Variants in CD46 observed in about 807,000 individuals in gnomAD.
The protein encoded by CD46 is CD46 molecule, also known as membrane cofactor protein.
CD46 carries 30 observed loss-of-function variants against 53.3 expected under a neutral mutation model. The observed-to-expected ratio is 0.56, with a 90% CI of 0.42 to 0.76. The LOEUF (loss-of-function observed/expected upper bound fraction) is 0.76. Ranked by LOEUF, CD46 falls within the 30% of genes least tolerant of loss-of-function variation. The pLI is 0.00. For missense variants in CD46, 409 were observed against 463.0 expected, an observed-to-expected ratio of 0.88 and a Z score of 1.07; for synonymous variants, 142 against 152.0, an observed-to-expected ratio of 0.93 and a Z score of 0.48.
intron 11 of CD46, among the ~76,000 whole-genome samples, chr1:207,786,249 T>C (rs1011835546): frequency 6.6e-6 from 1 of 152,206 alleles, no homozygotes; most frequent in African/African-American, 2.4e-5. Flanking sequence ...CCCTCTTATG[T>C]TCTCTGAATT....
At chr1:207,759,313 G>A (rs1020133313) in intron 3 of CD46, among the ~76,000 whole-genome samples, 1 of 152,214 alleles carries the variant, frequency 6.6e-6, no homozygotes, top group Non-Finnish European at 1.5e-5. Flanking sequence ...CACAGTCCTT[G>A]TCCTTACTGT....
At chr1:207,785,564 A>G (rs1659190203) in intron 10 of CD46, 55 bp from the exon 11 acceptor site, 1 of 1,210,468 alleles carries the variant, frequency 8.3e-7, no homozygotes. Flanking sequence ...TAGATGTTGA[A>G]TCTTGGTGAT....
intron 8 of CD46, among the ~76,000 whole-genome samples, chr1:207,772,549 C>T (rs1657630894): frequency 6.6e-6 from 1 of 152,094 alleles, no homozygotes; most frequent in African/African-American, 2.4e-5. Flanking sequence ...TCTTAAATAG[C>T]TCTTATTATT....
At chr1:207,776,284 T>C (rs1285560679) in intron 8 of CD46, among the ~76,000 whole-genome samples, 1 of 152,226 alleles carries the variant, frequency 6.6e-6, no homozygotes, top group Non-Finnish European at 1.5e-5. Context: ...CTGTCACGGC[T>C]TCCCTTGGCT....
intron 10 of CD46, among the ~76,000 whole-genome samples, 173 bp from the exon 11 acceptor site, chr1:207,785,438 GTAAGTGAT>G (rs1659180933): frequency 6.6e-6 from 1 of 152,202 alleles, no homozygotes; most frequent in Admixed American, 6.5e-5. Flanking sequence ...TATGGACTGT[GTAAGTGAT>G]TATGGGGAGT....
Position 207,752,857 on chromosome 1 carries a change from G to A in CD46, c.97+548G>A, listed in dbSNP as rs867848592. Among the ~76,000 whole-genome samples the A allele has an allele frequency of 7.9e-5, 12 of 152,266 alleles. No homozygotes were observed. The highest frequency in any genetic ancestry group is 3.4e-3 in the Middle Eastern group (1 of 294). ...TGCTGGGAGCGTGCTGTGCGTAAGTGGCCTGTGTGCAGAGTTCACTGTGGG... is the reference window on the plus strand; with the variant it reads ...TGCTGGGAGCGTGCTGTGCGTAAGTAGCCTGTGTGCAGAGTTCACTGTGGG... On this transcript the variant is annotated intron_variant, in intron 1 of 12. Transcript: ENST00000367042. This position sits in a 1 kb window ranked among gnomAD's most constrained non-coding sequence, Gnocchi z 4.1.
At chr1:207,776,013 G>A (rs903629740) in intron 8 of CD46, among the ~76,000 whole-genome samples, 6 of 152,186 alleles carry the variant, frequency 3.9e-5, no homozygotes, top group Non-Finnish European at 8.8e-5. Flanking sequence ...AGCTGCGGTG[G>A]GCTCCTCCAG....
chr1:207,791,598 A>G (rs1253735425), intron 12 of CD46, among the ~76,000 whole-genome samples: 1 of 152,226 alleles, frequency 6.6e-6, no homozygotes, highest in African/African-American at 2.4e-5. Flanking sequence ...ATGGCACACA[A>G]TCTAAAACGT....
At chr1:207,765,640 G>A (rs571690486) in intron 5 of CD46, among the ~76,000 whole-genome samples, 60 of 152,194 alleles carry the variant, frequency 3.9e-4, no homozygotes, top group African/African-American at 1.3e-3. Flanking sequence ...TGGAAAGGCC[G>A]AAATGTAAAC....
At chr1:207,783,648 A>C (rs1352443752) in intron 9 of CD46, 2 of 192,948 alleles carry the variant, frequency 1.0e-5, no homozygotes, top group African/African-American at 4.7e-5. Flanking sequence ...TACGCAGTTT[A>C]CACAATGCAT....
chr1:207,770,816 G>A (rs1162494209), intron 8 of CD46, among the ~76,000 whole-genome samples: 2 of 152,162 alleles, frequency 1.3e-5, no homozygotes, highest in Non-Finnish European at 2.9e-5. Context: ...TGGACATTCG[G>A]GTTGGTTCCA....
intron 11 of CD46, among the ~76,000 whole-genome samples, chr1:207,789,850 A>G (rs912565349): frequency 7.0e-6 from 1 of 142,048 alleles, no homozygotes; most frequent in African/African-American, 2.6e-5. Context: ...CCTGGGCAAC[A>G]TAGTGAGATG....
At chr1:207,757,823 T>C (rs1655736239) in intron 3 of CD46, among the ~76,000 whole-genome samples, 181 bp downstream of exon 3, 2 of 152,230 alleles carry the variant, frequency 1.3e-5, no homozygotes, top group Admixed American at 6.5e-5. Context: ...AGAAAGTAAT[T>C]GATATTTAAG....
At chr1:207,767,990 T>C in intron 7 of CD46, 167 bp downstream of exon 7, 1 of 635,546 alleles carries the variant, frequency 1.6e-6, no homozygotes, top group Non-Finnish European at 2.8e-6. Context: ...TCTAAAATTA[T>C]TTGCCATAAT....
chr1:207,752,448 C>A lies in CD46; in HGVS notation c.97+139C>A. 11 of 829,948 alleles carry A rather than the reference C, an allele frequency of 1.3e-5. No individual in the cohort carries two copies. The South Asian group carries it at 1.5e-4, about 11-fold the overall frequency. 51.4% of individuals were successfully genotyped at this position (829,948 alleles called of 1,614,324 possible). ...CTCTGAGGGGTGCAGTGCTCAGATC[C>A]CGGGGGTATGTGGCGGGGAATGCGG... On this transcript the variant is annotated intron_variant, in intron 1 of 12. Transcript: ENST00000367042. The surrounding 1 kb of genome is among the most constrained non-coding windows in gnomAD (Gnocchi z 4.1).
chr1:207,757,327 A>G (rs1220156269), intron 2 of CD46, 125 bp downstream of exon 2: 5 of 987,604 alleles, frequency 5.1e-6, no homozygotes, highest in South Asian at 1.3e-5. Flanking sequence ...ATAACAATGC[A>G]TTTTTGCAAG....
chr1:207,768,815 T>C (rs1351149090), intron 7 of CD46: 1 of 152,220 alleles, frequency 6.6e-6, no homozygotes, highest in Admixed American at 6.5e-5. Flanking sequence ...TTAGTTAACA[T>C]CATTTCTGTG....
intron 9 of CD46, among the ~76,000 whole-genome samples, chr1:207,784,255 G>T (rs758734926): frequency 1.1e-4 from 16 of 152,042 alleles, no homozygotes; most frequent in African/African-American, 3.4e-4. Flanking sequence ...TAGAATAATA[G>T]AAATTTATTT....
At chr1:207,788,821 T>A (rs1408980821) in intron 11 of CD46, among the ~76,000 whole-genome samples, 1 of 152,224 alleles carries the variant, frequency 6.6e-6, no homozygotes, top group Non-Finnish European at 1.5e-5. Context: ...AAAAATAGTG[T>A]AAGGAGTCAT....
Sources: gnomAD v4.1 joint callset for allele counts (sites outside exome capture counted in the v4.1 genomes callset) on GRCh38, gnomAD v4.1.1 for gene constraint, Gnocchi (gnomAD v3.1) non-coding constraint, MANE v1.5 for transcripts, NCBI Gene and HGNC (gene_info 2026-07-23, HGNC 2026-07-21) for gene names.